The following FUT9 variants were observed in gnomAD, a reference collection of about 807,000 sequenced individuals.
FUT9 encodes 4-galactosyl-N-acetylglucosaminide 3-alpha-L-fucosyltransferase 9.
In FUT9, 15 loss-of-function variants were observed where a neutral mutation model predicts 29.7. That is an observed-to-expected ratio of 0.51 (90% CI 0.34 to 0.78). The LOEUF (loss-of-function observed/expected upper bound fraction) is 0.78. Among genes scored for constraint, FUT9 ranks in the 30% least tolerant of loss-of-function variants. The pLI is 0.01. For synonymous variants in FUT9, 169 were observed against 153.7 expected (o/e 1.10, Z -0.74); for missense variants, 319 against 425.4 (o/e 0.75, Z 2.20).
At chr6:96,044,821 G>A (rs1260774804) in intron 1 of FUT9, among the ~76,000 whole-genome samples, 1 of 152,166 alleles carries the variant, frequency 6.6e-6, no homozygotes, top group Non-Finnish European at 1.5e-5. Flanking sequence ...TGAGAGTACT[G>A]TATAAATTAA....
In FUT9 at chr6:96,062,304, T is replaced by C. The variant is rs541091342; in HGVS notation, c.-98+46092T>C. On this transcript the variant is annotated intron_variant, in intron 1 of 2. Coordinates refer to ENST00000302103, the MANE Select transcript of FUT9 (RefSeq NM_006581.4). ...TAAAACTATAGGAAGGAAAAAGATATAGGAAGTAAATGAGTGAACTAAATC... is the reference window on the plus strand; with the variant it reads ...TAAAACTATAGGAAGGAAAAAGATACAGGAAGTAAATGAGTGAACTAAATC... 1.2e-3 allele frequency among the ~76,000 whole-genome samples: 178 copies of C among 152,112 alleles called. 1 individual carries two copies. Among genetic ancestry groups the C allele is most frequent in the African/African-American group, 4.3e-3 (177 of 41,536 alleles).
intron 1 of FUT9, among the ~76,000 whole-genome samples, chr6:96,103,164 C>T (rs1771617261): frequency 1.3e-5 from 2 of 152,144 alleles, no homozygotes; most frequent in Admixed American, 6.6e-5. Context: ...TATCATGTGA[C>T]AGCATTATTT....
Position 96,203,199 on chromosome 6 carries a change from T to C in FUT9, c.44T>C (p.Val15Ala). ...SKGILRPFLI[V>A]CIILGCFMAC... ...GGAATTCTTCGCCCATTTTTAATTG[T>C]CTGCATTATCCTGGGCTGTTTCATG... Residue 15 changes from valine (V) to alanine (A), a missense_variant, in exon 3 of 3, where the codon GTC becomes GCC. Coordinates refer to ENST00000302103, the MANE Select transcript of FUT9 (RefSeq NM_006581.4). 2 of 1,606,554 alleles carry C rather than the reference T, an allele frequency of 1.2e-6. No homozygotes were observed. The highest frequency in any genetic ancestry group is 1.7e-6 in the Non-Finnish European group (2 of 1,174,962).
intron 2 of FUT9, among the ~76,000 whole-genome samples, chr6:96,152,499 T>C (rs368421249): frequency 3.6e-4 from 55 of 152,184 alleles, no homozygotes; most frequent in African/African-American, 1.3e-3. Context: ...GCCTTGCTCC[T>C]GGTACACGGC....
At chr6:96,085,106 TAC>T (rs1351188313) in intron 1 of FUT9, among the ~76,000 whole-genome samples, 2 of 152,128 alleles carry the variant, frequency 1.3e-5, no homozygotes, top group Non-Finnish European at 2.9e-5. Flanking sequence ...AAAAATACAG[TAC>T]AGCAAAAGAA....
intron 1 of FUT9, among the ~76,000 whole-genome samples, chr6:96,066,099 T>C (rs546927121): frequency 1.3e-5 from 2 of 152,280 alleles, no homozygotes; most frequent in East Asian, 3.9e-4. Flanking sequence ...CTGCATTGTT[T>C]AGAGTTACAC....
At position 96,209,296 on chromosome 6, in the gene FUT9, ATATT is replaced by A. The variant is rs1266516733; in HGVS notation, c.*5064_*5067del. 1.8e-5 allele frequency: 3 copies of A among 166,704 alleles called. No homozygotes were observed. The highest frequency in any genetic ancestry group is 4.4e-5 in the Non-Finnish European group (3 of 67,998). 10.3% of individuals were successfully genotyped at this position (166,704 alleles called of 1,614,324 possible). A position where few individuals can be genotyped will look rare whatever the true frequency, so the allele number is the denominator to read the frequency against. On this transcript the variant is annotated 3_prime_UTR_variant, in exon 3 of 3. Coordinates refer to ENST00000302103, the MANE Select transcript of FUT9 (RefSeq NM_006581.4). ...ATTTCCTTCTCATTTCTCTGTGTAG[ATATT>A]TAAAGTATGAAATTGATTATTTAAA... is the stretch of plus-strand genomic sequence containing the variant.
intron 2 of FUT9, among the ~76,000 whole-genome samples, chr6:96,158,532 C>T (rs1354104033): frequency 5.3e-5 from 8 of 151,988 alleles, no homozygotes; most frequent in African/African-American, 4.8e-5. Flanking sequence ...AGATGGAAAC[C>T]GTTTTGCAAC....
At chr6:96,146,500 C>G (rs1320912019) in intron 2 of FUT9, among the ~76,000 whole-genome samples, 1 of 152,038 alleles carries the variant, frequency 6.6e-6, no homozygotes, top group Non-Finnish European at 1.5e-5. Context: ...AGTTTAAATG[C>G]CTGTACTTCC....
chr6:96,199,874 CATTCTGGTG>C (rs1773697034), intron 2 of FUT9, among the ~76,000 whole-genome samples: 1 of 152,110 alleles, frequency 6.6e-6, no homozygotes, highest in Non-Finnish European at 1.5e-5. Context: ...GCATCTACTA[CATTCTGGTG>C]ATAAGGATAC....
chr6:96,194,969 A>G (rs1465434601), intron 2 of FUT9, among the ~76,000 whole-genome samples: 7 of 152,120 alleles, frequency 4.6e-5, no homozygotes, highest in Non-Finnish European at 8.8e-5. Context: ...AGAGCTTCTA[A>G]AGTTAATAAA....
At chr6:96,056,847 T>C (rs2127941530) in intron 1 of FUT9, among the ~76,000 whole-genome samples, 1 of 152,322 alleles carries the variant, frequency 6.6e-6, no homozygotes, top group African/African-American at 2.4e-5. Flanking sequence ...ATACACTCTC[T>C]GACTTAACGA....
intron 2 of FUT9, among the ~76,000 whole-genome samples, chr6:96,160,384 G>C (rs530686007): frequency 1.3e-5 from 2 of 152,230 alleles, no homozygotes; most frequent in Middle Eastern, 3.4e-3. Flanking sequence ...AGAATAAATA[G>C]CTTTGATTTC....
At chr6:96,068,578 C>CT (rs11447019) in intron 1 of FUT9, among the ~76,000 whole-genome samples, 84,447 of 151,932 alleles carry the variant, frequency 0.56, 23,576 homozygotes, top group South Asian at 0.64. Flanking sequence ...TATCCTTCCT[C>CT]TATCGCATTG....
intron 2 of FUT9, among the ~76,000 whole-genome samples, chr6:96,162,337 G>A (rs1772927574): frequency 6.6e-6 from 1 of 151,978 alleles, no homozygotes; most frequent in East Asian, 1.9e-4. Context: ...GTCAAATCAG[G>A]GTAATTAGCA....
Position 96,212,590 on chromosome 6 carries a change from A to C in FUT9, c.*8355A>C. 2.7e-6 allele frequency: 1 copy of C among 372,600 alleles called. No homozygotes were observed. The highest frequency in any genetic ancestry group is 5.0e-6 in the Non-Finnish European group (1 of 200,874). 23.1% of individuals were successfully genotyped at this position (372,600 alleles called of 1,614,324 possible). A position where few individuals can be genotyped will look rare whatever the true frequency, so the allele number is the denominator to read the frequency against. On this transcript the variant is annotated 3_prime_UTR_variant, in exon 3 of 3. Coordinates refer to ENST00000302103, the MANE Select transcript of FUT9 (RefSeq NM_006581.4). ...TTAAGGGAGTAATTGTGACAATATA[A>C]AATGGCATTGTTATAGAATCCCTAA...
chr6:96,106,859 G>T (rs1771696121), intron 1 of FUT9, among the ~76,000 whole-genome samples: 1 of 152,094 alleles, frequency 6.6e-6, no homozygotes, highest in Non-Finnish European at 1.5e-5. Flanking sequence ...AAGACACAAA[G>T]TATCAAACCA....
At position 96,094,805 on chromosome 6, in the gene FUT9, C is replaced by A. The variant is rs141817687; in HGVS notation, c.-97-19234C>A. Among the ~76,000 whole-genome samples, 1,193 of 151,990 alleles carry A rather than the reference C, an allele frequency of 7.8e-3. 26 individuals carry two copies. The highest frequency in any genetic ancestry group is 0.027 in the African/African-American group (1,138 of 41,466). On this transcript the variant is annotated intron_variant, in intron 1 of 2. Transcript: ENST00000302103. The stretch of plus-strand genomic sequence containing the variant: ...TTTTTCTTCATTTTTTTTTCTAATG[C>A]AAACCTGTGTCCTAGGAAGACAAGT...
intron 1 of FUT9, among the ~76,000 whole-genome samples, chr6:96,109,591 A>G (rs532175018): frequency 1.3e-5 from 2 of 152,194 alleles, no homozygotes; most frequent in African/African-American, 2.4e-5. Context: ...AATGAATTGG[A>G]TTTAATACTT....
Sources: allele counts gnomAD v4.1 joint callset (sites outside exome capture counted in the v4.1 genomes callset), GRCh38; gene constraint gnomAD v4.1.1; transcripts MANE v1.5; gene names NCBI Gene and HGNC (gene_info 2026-07-23, HGNC 2026-07-21).